Variants in SDK1 observed in about 807,000 individuals in gnomAD.
The protein encoded by SDK1 is protein sidekick-1.
In SDK1, 157 loss-of-function variants were observed where a neutral mutation model predicts 245.5. The ratio of observed to expected loss-of-function variants is 0.64; its 90% CI spans 0.56 to 0.73. The LOEUF (loss-of-function observed/expected upper bound fraction) is 0.73. Ranked by LOEUF, SDK1 falls within the 30% of genes least tolerant of loss-of-function variation. The pLI is 0.00. For synonymous variants in SDK1, 1,647 were observed against 1,278.5 expected (o/e 1.29, Z -6.15); for missense variants, 3,583 against 3,002.3 (o/e 1.19, Z -4.52).
intron 1 of SDK1, among the ~76,000 whole-genome samples, chr7:3,374,605 G>A (rs1389859614): frequency 6.6e-6 from 1 of 151,844 alleles, no homozygotes; most frequent in Non-Finnish European, 1.5e-5. Flanking sequence ...CTTTTTTCCA[G>A]TGCTTTGAAT....
chr7:4,181,154 A>G (rs1040100858), intron 35 of SDK1, among the ~76,000 whole-genome samples: 3 of 152,174 alleles, frequency 2.0e-5, no homozygotes, highest in Non-Finnish European at 4.4e-5. Context: ...TGTCACTGCA[A>G]GTTCACCTCT....
intron 1 of SDK1, among the ~76,000 whole-genome samples, chr7:3,579,017 C>A (rs1175532548): frequency 2.0e-5 from 3 of 151,900 alleles, no homozygotes; most frequent in African/African-American, 7.2e-5. Flanking sequence ...TCCTTGAAAT[C>A]TTCACAATTT....
intron 4 of SDK1, among the ~76,000 whole-genome samples, chr7:3,805,041 G>GA (rs761704887): frequency 3.3e-5 from 5 of 151,612 alleles, no homozygotes; most frequent in South Asian, 4.2e-4. Flanking sequence ...ACCACAAAAA[G>GA]AAAAAAAATA....
intron 1 of SDK1, among the ~76,000 whole-genome samples, chr7:3,389,735 A>G (rs1219386256): frequency 7.2e-6 from 1 of 138,952 alleles, no homozygotes; most frequent in African/African-American, 2.8e-5. Context: ...ACTGCACTCC[A>G]CAGCCTGGGC....
intron 14 of SDK1, among the ~76,000 whole-genome samples, chr7:3,987,934 C>G (rs1213354012): frequency 6.6e-6 from 1 of 152,104 alleles, no homozygotes; most frequent in Non-Finnish European, 1.5e-5. Context: ...CCTCTCCGCT[C>G]TCCCTGGAAT....
intron 4 of SDK1, among the ~76,000 whole-genome samples, chr7:3,667,958 A>G (rs1405530160): frequency 6.6e-6 from 1 of 152,202 alleles, no homozygotes; most frequent in African/African-American, 2.4e-5. Context: ...GCCCAGTTAC[A>G]TGCTTGGAGT....
chr7:3,399,170 A>G (rs1305522194), intron 1 of SDK1, among the ~76,000 whole-genome samples: 1 of 151,882 alleles, frequency 6.6e-6, no homozygotes, highest in Non-Finnish European at 1.5e-5. Context: ...TCTTTTCCTC[A>G]GACCACATAA....
intron 4 of SDK1, among the ~76,000 whole-genome samples, chr7:3,751,662 C>T (rs1779775417): frequency 6.6e-6 from 1 of 152,170 alleles, no homozygotes; most frequent in African/African-American, 2.4e-5. Context: ...ACCATTTAGC[C>T]TTTCAGGGAC....
chr7:4,211,826 G>T (rs1379144051), intron 38 of SDK1, among the ~76,000 whole-genome samples: 3 of 152,150 alleles, frequency 2.0e-5, no homozygotes, highest in Admixed American at 1.3e-4. Flanking sequence ...AGCCAGGATG[G>T]TCTCGATCTC....
chr7:3,606,982 A>C (rs1053242385), intron 1 of SDK1, among the ~76,000 whole-genome samples: 5 of 152,210 alleles, frequency 3.3e-5, no homozygotes, highest in African/African-American at 9.6e-5. Context: ...TAAAGAAATA[A>C]TACTACTAGT....
chr7:4,015,362 A>G (rs1321316603), intron 16 of SDK1, among the ~76,000 whole-genome samples: 1 of 152,212 alleles, frequency 6.6e-6, no homozygotes, highest in South Asian at 2.1e-4. Context: ...CATAGTGATT[A>G]CAGATGGTGC....
chr7:3,442,750 ATTTTTCC>A (rs1371370355), intron 1 of SDK1, among the ~76,000 whole-genome samples: 3 of 152,100 alleles, frequency 2.0e-5, no homozygotes, highest in Non-Finnish European at 2.9e-5. Context: ...TATTTTCTCC[ATTTTTCC>A]TTTTTCCTTT....
intron 5 of SDK1, among the ~76,000 whole-genome samples, chr7:3,947,223 C>G (rs889349280): frequency 1.3e-5 from 2 of 152,196 alleles, no homozygotes; most frequent in African/African-American, 4.8e-5. Context: ...TTTTCACTCC[C>G]TGTTGTGTAA....
At position 4,193,209 on chromosome 7, in the gene SDK1, A is replaced by T. The variant is rs992838923; in HGVS notation, c.5099-12670A>T. ...AAATATATTAATATATTTATATATT[A>T]ATATATATATTGTATATTAATTGTA... On this transcript the variant is annotated intron_variant, in intron 35 of 44. Transcript: ENST00000404826. Among the ~76,000 whole-genome samples the T allele has an allele frequency of 4.7e-5, 6 of 128,252 alleles. 1 individual carries two copies. Among genetic ancestry groups the T allele is most frequent in the African/African-American group, 1.5e-4 (5 of 33,062 alleles). 84.1% of individuals were successfully genotyped at this position (128,252 alleles called of 152,430 possible). A position where few individuals can be genotyped will look rare whatever the true frequency, so the allele number is the denominator to read the frequency against.
At chr7:3,346,977 G>C (rs1196591222) in intron 1 of SDK1, among the ~76,000 whole-genome samples, 3 of 150,652 alleles carry the variant, frequency 2.0e-5, no homozygotes, top group East Asian at 3.9e-4. Context: ...AGCCCTGAGA[G>C]AATTATTTAT....
At chr7:3,987,445 A>T in intron 14 of SDK1, 123 bp downstream of exon 14, 1 of 1,040,682 alleles carries the variant, frequency 9.6e-7, no homozygotes, top group Non-Finnish European at 1.4e-6. Flanking sequence ...GTAATGCTTT[A>T]CAGGGTTTCA....
chr7:4,157,512 A>T (rs1406076481), intron 30 of SDK1, among the ~76,000 whole-genome samples: 35 of 104,400 alleles, frequency 3.4e-4, no homozygotes, highest in African/African-American at 1.1e-3. Context: ...GAAGGCAGCA[A>T]GGAGCGGGGA....
At chr7:3,952,013 C>T (rs759432489) in intron 7 of SDK1, 93 bp downstream of exon 7, 29 of 1,219,532 alleles carry the variant, frequency 2.4e-5, no homozygotes, top group African/African-American at 3.1e-5. Context: ...ATTTCAGTGG[C>T]TTTATTTGTA....
At chr7:4,052,154 A>T (rs1583954387) in intron 19 of SDK1, among the ~76,000 whole-genome samples, 1 of 138,782 alleles carries the variant, frequency 7.2e-6, no homozygotes, top group African/African-American at 3.0e-5. Context: ...TGATTCCCTC[A>T]CCTGCTTCCA....
Sources: gnomAD v4.1 joint callset for allele counts (sites outside exome capture counted in the v4.1 genomes callset) on GRCh38, gnomAD v4.1.1 for gene constraint, MANE v1.5 for transcripts, NCBI Gene and HGNC (gene_info 2026-07-23, HGNC 2026-07-21) for gene names.